The following EYA1 variants were observed in gnomAD, a reference collection of about 807,000 sequenced individuals.
EYA1 encodes the protein EYA transcriptional coactivator and phosphatase 1, also known as protein phosphatase EYA1.
In EYA1, 16 loss-of-function variants were observed where a neutral mutation model predicts 82.0. That is an observed-to-expected ratio of 0.20 (90% CI 0.13 to 0.30). The LOEUF (loss-of-function observed/expected upper bound fraction) is 0.30, where lower values mean the gene tolerates loss of function less well. EYA1 is among the 10% of genes least tolerant of loss of function. EYA1 has a pLI of 1.00. For missense variants in EYA1, 633 were observed against 730.7 expected (o/e 0.87, Z 1.54); for synonymous variants, 261 against 264.4 (o/e 0.99, Z 0.12).
At chr8:71,359,178 A>C (rs1445305651) in intron 1 of EYA1, among the ~76,000 whole-genome samples, 1 of 152,212 alleles carries the variant, frequency 6.6e-6, no homozygotes, top group African/African-American at 2.4e-5. Context: ...AAATTCAAGA[A>C]TCCTAAACTA....
chr8:71,321,886 G>A lies in EYA1; in HGVS notation c.273-7C>T, dbSNP rs370410196. On this transcript the variant is annotated splice_polypyrimidine_tract_variant and splice_region_variant and intron_variant, in intron 5 of 17. Transcript: ENST00000340726. Reference sequence around the variant, plus strand: ...AATATGTGGGTATGGTCTGCTATTTGTCAGAAATGACAGAAAATAGAAAGC... The same window carrying A: ...AATATGTGGGTATGGTCTGCTATTTATCAGAAATGACAGAAAATAGAAAGC... 4 of 1,614,206 alleles carry A rather than the reference G, an allele frequency of 2.5e-6. No individual in the cohort carries two copies. The highest frequency in any genetic ancestry group is 2.2e-5 in the South Asian group (2 of 91,090).
intron 2 of EYA1, among the ~76,000 whole-genome samples, chr8:71,455,526 C>T (rs189482544): frequency 3.4e-4 from 52 of 152,206 alleles, no homozygotes; most frequent in South Asian, 1.2e-3. Flanking sequence ...ACTGGGGAAC[C>T]GAATCCAGCA....
At chr8:71,532,944 T>C (rs969078034) in intron 2 of EYA1, among the ~76,000 whole-genome samples, 10 of 152,258 alleles carry the variant, frequency 6.6e-5, no homozygotes, top group South Asian at 6.2e-4. Context: ...AACTCATCCA[T>C]AAAAAAGAAT....
Position 71,215,660 on chromosome 8 carries a change from A to C in EYA1, c.1429T>G (p.Ser477Ala). Residue 477 changes from serine (S) to alanine (A), a missense_variant, in exon 15 of 18, where the codon TCC becomes GCC. Physicochemically the swap from Ser to Ala is moderately conservative, Grantham distance 99. Transcript: ENST00000340726. The part of the protein sequence containing the change: ...LRAEIEALTD[S>A]WLTLALKALS... ...GCTTTCAGGGCCAGTGTCAACCAGG[A>C]GTCGGTCAGGGCTTCAATTTCGGCC... is the stretch of plus-strand genomic sequence containing the variant. 1.2e-6 allele frequency: 2 copies of C among 1,614,176 alleles called. No individual in the cohort carries two copies. Among genetic ancestry groups the C allele is most frequent in the Non-Finnish European group, 1.7e-6 (2 of 1,180,014 alleles).
chr8:71,231,922 A>C (rs1811244995), intron 12 of EYA1, among the ~76,000 whole-genome samples: 1 of 152,250 alleles, frequency 6.6e-6, no homozygotes, highest in African/African-American at 2.4e-5. Context: ...GAATACAGTC[A>C]AGAAAGCCCC....
chr8:71,226,211 C>A (rs1445788889), intron 12 of EYA1, among the ~76,000 whole-genome samples: 1 of 151,980 alleles, frequency 6.6e-6, no homozygotes, highest in Non-Finnish European at 1.5e-5. Flanking sequence ...ACATGTTTTT[C>A]AAAGTTTTGA....
intron 1 of EYA1, among the ~76,000 whole-genome samples, chr8:71,360,672 CTG>C (rs879491395): frequency 1.4e-4 from 22 of 152,174 alleles, no homozygotes; most frequent in Non-Finnish European, 2.8e-4. Context: ...AGACCCCAGA[CTG>C]TGGGGGAAAA....
At chr8:71,537,127 G>A (rs570548655) in intron 1 of EYA1, among the ~76,000 whole-genome samples, 23 of 152,254 alleles carry the variant, frequency 1.5e-4, no homozygotes, top group Admixed American at 7.2e-4. Context: ...TATCAATGCT[G>A]CAAATGTATG....
chr8:71,515,938 T>C (rs1312659455), intron 2 of EYA1, among the ~76,000 whole-genome samples: 2 of 152,158 alleles, frequency 1.3e-5, no homozygotes, highest in African/African-American at 2.4e-5. Flanking sequence ...TACAAATATA[T>C]ACTTTTCAAA....
intron 11 of EYA1, among the ~76,000 whole-genome samples, chr8:71,258,687 T>C (rs898943468): frequency 6.6e-6 from 1 of 152,244 alleles, no homozygotes; most frequent in African/African-American, 2.4e-5. Flanking sequence ...TTTATGCTGC[T>C]CATTTTATTT....
At chr8:71,444,670 G>A (rs996278935) in intron 2 of EYA1, among the ~76,000 whole-genome samples, 3 of 151,914 alleles carry the variant, frequency 2.0e-5, no homozygotes, top group Admixed American at 6.6e-5. Context: ...CTTGCATACA[G>A]CAGGTATCTG....
rs376388451 is a variant in EYA1, at chr8:71,336,274, TG to T, written c.125-2101del. ...GCTGCTGGGGCACAGTGCCACACAC[TG>T]GGGATAGAGTGGAAAGCGAAGTCCC... On this transcript the variant is annotated intron_variant, in intron 3 of 17. Coordinates refer to ENST00000340726, the MANE Select transcript of EYA1 (RefSeq NM_000503.6). Among the ~76,000 whole-genome samples, 5 of 152,302 alleles carry T rather than the reference TG, an allele frequency of 3.3e-5. No homozygotes were observed. In the East Asian group the frequency reaches 9.6e-4, roughly 29 times the overall value.
At chr8:71,325,133 C>T (rs1823009489) in intron 4 of EYA1, among the ~76,000 whole-genome samples, 1 of 152,208 alleles carries the variant, frequency 6.6e-6, no homozygotes, top group South Asian at 2.1e-4. Flanking sequence ...CAACTCCCTC[C>T]TGGGTAGGTT....
intron 12 of EYA1, among the ~76,000 whole-genome samples, chr8:71,240,268 C>CT (rs35098983): frequency 0.015 from 2,209 of 143,066 alleles, 45 homozygotes; most frequent in African/African-American, 0.049. Flanking sequence ...TGCCCCAGGC[C>CT]TTTTTTTTTT....
intron 4 of EYA1, among the ~76,000 whole-genome samples, chr8:71,329,325 C>T (rs904538861): frequency 1.3e-4 from 20 of 152,080 alleles, no homozygotes; most frequent in African/African-American, 4.3e-4. Context: ...TTTACTGATA[C>T]TCTCAATTTT....
intron 7 of EYA1, among the ~76,000 whole-genome samples, chr8:71,299,950 A>G (rs1444506560): frequency 3.3e-5 from 5 of 152,202 alleles, no homozygotes; most frequent in African/African-American, 1.2e-4. Context: ...ACTTATATAG[A>G]CTAATGACAA....
At chr8:71,203,804 T>G (rs1373887738) in intron 17 of EYA1, among the ~76,000 whole-genome samples, 2 of 152,074 alleles carry the variant, frequency 1.3e-5, no homozygotes, top group Non-Finnish European at 2.9e-5. Context: ...GCAGAGAAAC[T>G]AGGTAGAATT....
intron 3 of EYA1, among the ~76,000 whole-genome samples, chr8:71,346,702 A>T (rs1825780281): frequency 6.6e-6 from 1 of 152,124 alleles, no homozygotes; most frequent in Non-Finnish European, 1.5e-5. Flanking sequence ...CTATAGATCA[A>T]ATTCAAAACA....
chr8:71,415,950 G>T (rs1284017115), intron 2 of EYA1, among the ~76,000 whole-genome samples: 3 of 152,194 alleles, frequency 2.0e-5, no homozygotes, highest in Non-Finnish European at 4.4e-5. Context: ...CAGTGCTTAA[G>T]TATGTCCATT....
Sources: allele counts gnomAD v4.1 joint callset (sites outside exome capture counted in the v4.1 genomes callset), GRCh38; gene constraint gnomAD v4.1.1; transcripts MANE v1.5; gene names NCBI Gene and HGNC (gene_info 2026-07-23, HGNC 2026-07-21).